Variants in ADI1 observed in about 807,000 individuals in gnomAD.
ADI1 encodes the protein acireductone dioxygenase 1.
A neutral mutation model predicts 18.7 loss-of-function variants in ADI1; 21 were observed. The observed-to-expected ratio is 1.13, with a 90% confidence interval of 0.80 to 1.62. ADI1 has a LOEUF of 1.62. ADI1 is among the 40% of genes most tolerant of loss of function. The pLI, the probability that ADI1 is intolerant of heterozygous loss-of-function variation, is 0.00. For synonymous variants in ADI1, 90 were observed against 100.1 expected, an observed-to-expected ratio of 0.90 and a Z score of 0.60; for missense variants, 245 against 254.9, an observed-to-expected ratio of 0.96 and a Z score of 0.26.
chr2:3,512,223 A>C (rs951431618), intron 2 of ADI1, among the ~76,000 whole-genome samples: 6 of 152,260 alleles, frequency 3.9e-5, no homozygotes, highest in Non-Finnish European at 7.3e-5. Context: ...AACTACAAAG[A>C]AGCCAAGGGC....
intron 1 of ADI1, chr2:3,516,083 C>T (rs987816112): frequency 2.0e-5 from 19 of 973,280 alleles, no homozygotes; most frequent in African/African-American, 8.8e-5. Context: ...TTTAAATATA[C>T]GAATGTTGAA....
chr2:3,498,035 CAG>C lies in ADI1; in HGVS notation c.*926_*927del, dbSNP rs1666905207. ...GGGTATTTTAATCCTAAAACTGAGA[CAG>C]AGTTTACTTAAACATTTAAGGCTTG... On this transcript the variant is annotated 3_prime_UTR_variant, in exon 4 of 4. Coordinates refer to ENST00000327435, the MANE Select transcript of ADI1 (RefSeq NM_018269.4). The C allele has an allele frequency of 6.6e-6, 1 of 152,128 alleles. No individual in the cohort carries two copies. The highest frequency in any genetic ancestry group is 1.5e-5 in the Non-Finnish European group (1 of 68,042). 9.4% of individuals were successfully genotyped at this position (152,128 alleles called of 1,614,324 possible). A position where few individuals can be genotyped will look rare whatever the true frequency, so the allele number is the denominator to read the frequency against.
At chr2:3,516,758 TTGTA>T (rs1667417872) in intron 1 of ADI1, 6 of 983,106 alleles carry the variant, frequency 6.1e-6, no homozygotes, top group South Asian at 9.4e-5. Context: ...TTCCAATTGT[TTGTA>T]TGTATGACAA....
chr2:3,511,581 G>C (rs766995306), intron 2 of ADI1, among the ~76,000 whole-genome samples: 2 of 152,186 alleles, frequency 1.3e-5, no homozygotes, highest in Non-Finnish European at 2.9e-5. Context: ...CACAGTCTCA[G>C]ATATTTCTTT....
chr2:3,502,814 G>A (rs559785107), intron 2 of ADI1, among the ~76,000 whole-genome samples: 6 of 152,044 alleles, frequency 3.9e-5, no homozygotes, highest in Admixed American at 6.5e-5. Context: ...CAGAAAAACC[G>A]CAACCCAAGC....
chr2:3,500,672 T>C lies in ADI1; in HGVS notation c.420+142A>G, dbSNP rs1389615559. The stretch of plus-strand genomic sequence containing the variant: ...GGACATCGCCTGCGGCTCCACAGAC[T>C]CTCCTTGAAGCACAGGTCGAGGAGT... On this transcript the variant is annotated intron_variant, in intron 3 of 3. Transcript: ENST00000327435. 4 of 1,126,666 alleles carry C rather than the reference T, an allele frequency of 3.6e-6. No homozygotes were observed. In the South Asian group the frequency reaches 5.3e-5, roughly 15 times the overall value. The allele number at this position is 1,126,666 out of a possible 1,614,324, so 69.8% of individuals were successfully genotyped here. A position where few individuals can be genotyped will look rare whatever the true frequency, so the allele number is the denominator to read the frequency against.
chr2:3,518,435 T>C (rs1667454785), intron 1 of ADI1, among the ~76,000 whole-genome samples: 1 of 152,238 alleles, frequency 6.6e-6, no homozygotes, highest in Non-Finnish European at 1.5e-5. Context: ...AGTAAACCTT[T>C]GTTACTGCAA....
intron 3 of ADI1, chr2:3,500,493 G>C: frequency 8.3e-6 from 4 of 483,668 alleles, no homozygotes; most frequent in South Asian, 2.6e-5. Flanking sequence ...CCAAGCAAGG[G>C]CTGGGGCAGG....
chr2:3,501,747 C>CA (rs1450459136), intron 2 of ADI1, among the ~76,000 whole-genome samples: 1 of 152,106 alleles, frequency 6.6e-6, no homozygotes, highest in African/African-American at 2.4e-5. Context: ...AGGCTGGTCT[C>CA]AAACTCCTGA....
intron 3 of ADI1, 27 bp from the exon 4 acceptor site, chr2:3,499,109 A>T: frequency 6.2e-7 from 1 of 1,606,756 alleles, no homozygotes; most frequent in Non-Finnish European, 8.5e-7. Context: ...CACACCCAGC[A>T]TCTCATTAAA....
chr2:3,500,527 GCCGCCGCA>G lies in ADI1; in HGVS notation c.420+279_420+286del, dbSNP rs1221574012. The G allele has an allele frequency of 9.3e-5, 17 of 183,180 alleles. No homozygotes were observed. In the African/African-American group the frequency reaches 7.6e-3, roughly 81 times the overall value. The allele number at this position is 183,180 out of a possible 1,614,324, so 11.3% of individuals were successfully genotyped here. A position where few individuals can be genotyped will look rare whatever the true frequency, so the allele number is the denominator to read the frequency against. ...GGGCCAGGCTCGTGGGTGTGTACCT[GCCGCCGCA>G]TGTACCTGCCGCCGCCTGTACCTGC... On this transcript the variant is annotated intron_variant, in intron 3 of 3. Coordinates refer to ENST00000327435, the MANE Select transcript of ADI1 (RefSeq NM_018269.4).
At chr2:3,507,211 A>G (rs1368599109) in intron 2 of ADI1, among the ~76,000 whole-genome samples, 1 of 152,198 alleles carries the variant, frequency 6.6e-6, no homozygotes, top group Admixed American at 6.5e-5. Context: ...TAAAAGATGT[A>G]ACATATGTAT....
At position 3,499,014 on chromosome 2, in the gene ADI1, G is replaced by A. The variant is rs764093955; in HGVS notation, c.489C>T (p.Asp163=). ...CGTACTGCCCGCGGGCTTCAAAATG[G>A]TCAGCGGGCCGGTTGTACGCTGTCC... is the stretch of plus-strand genomic sequence containing the variant. ...PVWTAYNRPA[D]HFEARGQYVK... is the part of the protein sequence containing the mutation. The change falls in exon 4 of 4, where the codon GAC becomes GAT. Residue 163 remains aspartate (D), a synonymous_variant. Transcript: ENST00000327435. The A allele has an allele frequency of 6.2e-7, 1 of 1,614,040 alleles. No homozygotes were observed. The highest frequency in any genetic ancestry group is 8.5e-7 in the Non-Finnish European group (1 of 1,179,904).
At chr2:3,518,089 T>C (rs1317085840) in intron 1 of ADI1, among the ~76,000 whole-genome samples, 1 of 152,194 alleles carries the variant, frequency 6.6e-6, no homozygotes, top group Non-Finnish European at 1.5e-5. Flanking sequence ...CTCTCATTAA[T>C]GGAAAACTAT....
At chr2:3,500,487 G>T in intron 3 of ADI1, 2 of 224,262 alleles carry the variant, frequency 8.9e-6, no homozygotes, top group Non-Finnish European at 7.2e-6. Context: ...TCACCGCCAA[G>T]CAAGGGCTGG....
chr2:3,500,716 G>A (rs1398258543), intron 3 of ADI1, 98 bp downstream of exon 3: 9 of 1,526,984 alleles, frequency 5.9e-6, no homozygotes, highest in South Asian at 1.1e-5. Flanking sequence ...CAGCGACCGC[G>A]CTTGGAGTCT....
At chr2:3,502,345 T>C (rs1415613461) in intron 2 of ADI1, among the ~76,000 whole-genome samples, 1 of 152,064 alleles carries the variant, frequency 6.6e-6, no homozygotes, top group East Asian at 1.9e-4. Context: ...TTGTTATGTG[T>C]TACAAAATCA....
intron 1 of ADI1, 187 bp downstream of exon 1, chr2:3,519,181 A>C (rs1286775113): frequency 1.3e-6 from 1 of 786,458 alleles, no homozygotes; most frequent in African/African-American, 2.2e-5. Flanking sequence ...ACCCAGCCCC[A>C]CTGCTGAGCA....
At chr2:3,499,265 G>A (rs1255875150) in intron 3 of ADI1, among the ~76,000 whole-genome samples, 183 bp from the exon 4 acceptor site, 1 of 152,246 alleles carries the variant, frequency 6.6e-6, no homozygotes, top group Non-Finnish European at 1.5e-5. Context: ...ATCAGGTGGT[G>A]CAGCTGGCCC....
Sources: allele counts gnomAD v4.1 joint callset (sites outside exome capture counted in the v4.1 genomes callset), GRCh38; gene constraint gnomAD v4.1.1; transcripts MANE v1.5; gene names NCBI Gene and HGNC (gene_info 2026-07-23, HGNC 2026-07-21).